Variants in CSMD3 observed in about 807,000 individuals in gnomAD.
The protein encoded by CSMD3 is CUB and Sushi multiple domains 3.
CSMD3 carries 177 observed loss-of-function variants against 435.2 expected under a neutral mutation model. The ratio of observed to expected loss-of-function variants is 0.41; its 90% CI spans 0.36 to 0.46. The LOEUF (loss-of-function observed/expected upper bound fraction) is 0.46. CSMD3 is among the 20% of genes least tolerant of loss of function. The pLI is 0.34. For missense variants in CSMD3, 4,265 were observed against 4,504.6 expected (o/e 0.95, Z 1.52); for synonymous variants, 1,656 against 1,520.5 (o/e 1.09, Z -2.07).
intron 23 of CSMD3, among the ~76,000 whole-genome samples, chr8:112,583,490 T>C (rs867001954): frequency 1.3e-5 from 2 of 152,000 alleles, no homozygotes; most frequent in Non-Finnish European, 2.9e-5. Context: ...ATAAACAAAA[T>C]ATAGTTCATA....
At chr8:113,322,378 A>C (rs1588513328) in intron 1 of CSMD3, among the ~76,000 whole-genome samples, 1 of 152,246 alleles carries the variant, frequency 6.6e-6, no homozygotes, top group East Asian at 1.9e-4. Context: ...TTTATTTTCT[A>C]TTTAGATATC....
intron 3 of CSMD3, among the ~76,000 whole-genome samples, chr8:113,260,820 T>C (rs2093420780): frequency 6.6e-6 from 1 of 152,030 alleles, no homozygotes; most frequent in South Asian, 2.1e-4. Flanking sequence ...TGAGAACATG[T>C]GGTGTTTGGT....
Position 112,556,242 on chromosome 8 carries a change from G to T in CSMD3, c.4234+521C>A, listed in dbSNP as rs1488935912. On this transcript the variant is annotated intron_variant, in intron 25 of 70. Coordinates refer to ENST00000297405, the MANE Select transcript of CSMD3 (RefSeq NM_198123.2). ...TAAAATGGTACCCCAGCTATGCAAA[G>T]AAGACAGAAAATGATCATTCTCTAG... is the stretch of plus-strand genomic sequence containing the variant. Among the ~76,000 whole-genome samples the T allele has an allele frequency of 2.0e-5, 3 of 149,058 alleles. No homozygotes were observed. The Admixed American group carries it at 2.0e-4, about 10-fold the overall frequency.
chr8:113,384,575 T>C (rs994694240), intron 1 of CSMD3, among the ~76,000 whole-genome samples: 7 of 152,158 alleles, frequency 4.6e-5, no homozygotes, highest in African/African-American at 1.7e-4. Context: ...ATAGGTTCGC[T>C]GAAAGGATCC....
intron 13 of CSMD3, among the ~76,000 whole-genome samples, chr8:112,791,361 C>T (rs2078688629): frequency 6.6e-6 from 1 of 150,402 alleles, no homozygotes; most frequent in Non-Finnish European, 1.5e-5. Context: ...TGTCTATCAC[C>T]CAGTAAAAGT....
At chr8:112,434,197 A>T (rs1327088480) in intron 32 of CSMD3, among the ~76,000 whole-genome samples, 1 of 152,218 alleles carries the variant, frequency 6.6e-6, no homozygotes, top group Admixed American at 6.6e-5. Context: ...TAACAAAGTA[A>T]CTTTGGACAA....
chr8:112,847,296 C>T (rs1179204562), intron 11 of CSMD3, among the ~76,000 whole-genome samples: 1 of 152,102 alleles, frequency 6.6e-6, no homozygotes, highest in Non-Finnish European at 1.5e-5. Context: ...CTTCTGGAGA[C>T]TGCTTTCAGG....
At chr8:112,985,094 G>A (rs1020286953) in intron 6 of CSMD3, among the ~76,000 whole-genome samples, 1 of 151,938 alleles carries the variant, frequency 6.6e-6, no homozygotes, top group African/African-American at 2.4e-5. Flanking sequence ...AAAATAACCA[G>A]AGCAATGTGA....
chr8:112,329,477 T>C (rs1563797080), intron 45 of CSMD3, among the ~76,000 whole-genome samples: 1 of 152,076 alleles, frequency 6.6e-6, no homozygotes, highest in Non-Finnish European at 1.5e-5. Flanking sequence ...CTGCTCAAAT[T>C]TTCTAACAGC....
intron 27 of CSMD3, among the ~76,000 whole-genome samples, chr8:112,535,820 A>G (rs1826020400): frequency 6.6e-6 from 1 of 152,206 alleles, no homozygotes; most frequent in South Asian, 2.1e-4. Flanking sequence ...GTAACAAAAC[A>G]GAGATATAGA....
At chr8:113,230,816 T>C (rs1013929535) in intron 3 of CSMD3, among the ~76,000 whole-genome samples, 2 of 151,664 alleles carry the variant, frequency 1.3e-5, no homozygotes, top group South Asian at 2.1e-4. Context: ...TCTTCACTTA[T>C]GTCCTCCAGA....
chr8:112,978,446 G>T (rs1321996637), intron 6 of CSMD3, among the ~76,000 whole-genome samples: 1 of 151,876 alleles, frequency 6.6e-6, no homozygotes, highest in Admixed American at 6.6e-5. Context: ...TCACTTTCTT[G>T]AAGACCTCAG....
chr8:112,737,111 C>G (rs1013361188), intron 13 of CSMD3, among the ~76,000 whole-genome samples: 1 of 151,900 alleles, frequency 6.6e-6, no homozygotes, highest in East Asian at 1.9e-4. Flanking sequence ...GTACAAATAA[C>G]TAATTGGATA....
At chr8:112,543,340 T>C (rs1405266560) in intron 27 of CSMD3, among the ~76,000 whole-genome samples, 2 of 152,056 alleles carry the variant, frequency 1.3e-5, no homozygotes, top group African/African-American at 2.4e-5. Flanking sequence ...TTTCAAGCCA[T>C]ACATCTAATA....
At chr8:112,990,456 T>G (rs113075727) in intron 6 of CSMD3, among the ~76,000 whole-genome samples, 8 of 151,834 alleles carry the variant, frequency 5.3e-5, no homozygotes, top group African/African-American at 9.7e-5. Flanking sequence ...AATGCTTGAG[T>G]TTTACGGAAG....
chr8:112,252,343 C>G (rs1388380523), intron 63 of CSMD3, among the ~76,000 whole-genome samples: 1 of 151,772 alleles, frequency 6.6e-6, no homozygotes, highest in African/African-American at 2.4e-5. Context: ...GGCCAATCTG[C>G]GGAGAGAAAA....
chr8:112,383,424 T>A lies in CSMD3; in HGVS notation c.6031+143A>T, dbSNP rs572305542. The stretch of plus-strand genomic sequence containing the variant: ...AATATTGATATCATCTTTAAATCTT[T>A]TAAACTTCAGTCCTTGTATCTTTGT... On this transcript the variant is annotated intron_variant, in intron 37 of 70. Coordinates refer to ENST00000297405, the MANE Select transcript of CSMD3 (RefSeq NM_198123.2). The A allele has an allele frequency of 1.3e-5, 8 of 626,590 alleles. No homozygotes were observed. The Admixed American group carries it at 2.3e-4, about 18-fold the overall frequency. The allele number at this position is 626,590 out of a possible 1,614,324, so 38.8% of individuals were successfully genotyped here.
intron 3 of CSMD3, among the ~76,000 whole-genome samples, chr8:113,245,377 C>T (rs1588357477): frequency 6.6e-6 from 1 of 151,902 alleles, no homozygotes; most frequent in East Asian, 1.9e-4. Context: ...AATATATGTC[C>T]TATTATATCA....
intron 1 of CSMD3, among the ~76,000 whole-genome samples, chr8:113,374,578 T>A (rs2094366687): frequency 6.6e-6 from 1 of 151,978 alleles, no homozygotes; most frequent in Non-Finnish European, 1.5e-5. Context: ...ATCAGACAAG[T>A]GAAATCTAGT....
Sources: gnomAD v4.1 joint callset for allele counts (sites outside exome capture counted in the v4.1 genomes callset) on GRCh38, gnomAD v4.1.1 for gene constraint, MANE v1.5 for transcripts, NCBI Gene and HGNC (gene_info 2026-07-23, HGNC 2026-07-21) for gene names.